Variants in RHBDD1 observed in about 807,000 individuals in gnomAD.
The protein encoded by RHBDD1 is rhomboid-related protein 4.
RHBDD1 carries 38 observed loss-of-function variants against 36.3 expected under a neutral mutation model. The ratio of observed to expected loss-of-function variants is 1.05; its 90% confidence interval spans 0.81 to 1.37. The LOEUF (loss-of-function observed/expected upper bound fraction) is 1.37. Ranked by LOEUF, RHBDD1 falls within the 40% of genes most tolerant of loss-of-function variation. RHBDD1 has a pLI of 0.00. For missense variants in RHBDD1, 393 were observed against 377.6 expected, an observed-to-expected ratio of 1.04 and a Z score of -0.34; for synonymous variants, 151 against 136.5, an observed-to-expected ratio of 1.11 and a Z score of -0.74.
At chr2:226,863,785 G>C (rs899704339) in intron 3 of RHBDD1, among the ~76,000 whole-genome samples, 1 of 152,216 alleles carries the variant, frequency 6.6e-6, no homozygotes. Flanking sequence ...GTTAGCCAAA[G>C]CATGTCACAG....
chr2:226,992,247 G>A (rs542652921), intron 8 of RHBDD1, among the ~76,000 whole-genome samples: 6 of 152,312 alleles, frequency 3.9e-5, no homozygotes, highest in Non-Finnish European at 5.9e-5. Flanking sequence ...TGGCTCCAAC[G>A]CAGAGCACAC....
Position 226,986,956 on chromosome 2 carries a change from A to G in RHBDD1, c.857-8475A>G, listed in dbSNP as rs184410659. The stretch of plus-strand genomic sequence containing the variant: ...TGCCCATCAGTGATCGACTGGATAA[A>G]GAAAATGTGGCACATGTACACCATG... On this transcript the variant is annotated intron_variant, in intron 8 of 8. Transcript: ENST00000392062. 9.8e-4 allele frequency among the ~76,000 whole-genome samples: 150 copies of G among 152,378 alleles called. 1 individual carries two copies. Among genetic ancestry groups the G allele is most frequent in the African/African-American group, 3.4e-3 (142 of 41,588 alleles).
intron 5 of RHBDD1, among the ~76,000 whole-genome samples, chr2:226,881,143 CCA>C (rs200727558): frequency 0.018 from 2,754 of 152,216 alleles, 41 homozygotes; most frequent in Middle Eastern, 0.027. Flanking sequence ...TATGAAACCA[CCA>C]GATCTCCTGA....
At chr2:226,946,216 C>G (rs770523214) in intron 8 of RHBDD1, among the ~76,000 whole-genome samples, 2 of 152,144 alleles carry the variant, frequency 1.3e-5, no homozygotes, top group Non-Finnish European at 2.9e-5. Flanking sequence ...GTCATGAAGT[C>G]TTTGCCCATG....
intron 5 of RHBDD1, among the ~76,000 whole-genome samples, chr2:226,883,839 C>A (rs1307238299): frequency 6.6e-6 from 1 of 152,120 alleles, no homozygotes; most frequent in African/African-American, 2.4e-5. Flanking sequence ...TTGAGGAGCT[C>A]TGTTAACTGT....
At chr2:226,961,339 T>C (rs1206169863) in intron 8 of RHBDD1, among the ~76,000 whole-genome samples, 2 of 152,166 alleles carry the variant, frequency 1.3e-5, no homozygotes, top group Non-Finnish European at 2.9e-5. Context: ...CTGGGTCTGT[T>C]TCCTTTTCTT....
intron 3 of RHBDD1, among the ~76,000 whole-genome samples, chr2:226,852,931 A>ATTATTG (rs1295895505): frequency 1.4e-5 from 2 of 146,896 alleles, no homozygotes; most frequent in Non-Finnish European, 3.0e-5. Flanking sequence ...TATTATTATT[A>ATTATTG]TTATTATTAT....
In RHBDD1 at chr2:226,866,093, C is replaced by T. The variant is rs147582206; in HGVS notation, c.433+967C>T. Among the ~76,000 whole-genome samples the T allele has an allele frequency of 9.0e-3, 743 of 82,652 alleles. 7 individuals are homozygous for T. The highest frequency in any genetic ancestry group is 0.035 in the African/African-American group (698 of 20,216). 54.2% of individuals were successfully genotyped at this position (82,652 alleles called of 152,430 possible). On this transcript the variant is annotated intron_variant, in intron 4 of 8. Coordinates refer to ENST00000392062, the MANE Select transcript of RHBDD1 (RefSeq NM_001167608.3). ...TATTATTTATTTATTTTTTTTGAGA[C>T]GGAGTCTCGCTCTGGCACCAGGCCT...
intron 8 of RHBDD1, among the ~76,000 whole-genome samples, chr2:226,949,158 C>T (rs1951236234): frequency 6.6e-6 from 1 of 152,188 alleles, no homozygotes; most frequent in South Asian, 2.1e-4. Context: ...ATTCCATGCT[C>T]ATGGATAGGA....
intron 8 of RHBDD1, among the ~76,000 whole-genome samples, chr2:226,927,477 C>T (rs899839343): frequency 2.6e-5 from 4 of 152,080 alleles, no homozygotes; most frequent in African/African-American, 7.2e-5. Flanking sequence ...GTTTTCATGT[C>T]ACCTAGGTAA....
At chr2:226,933,951 C>T (rs994474449) in intron 8 of RHBDD1, among the ~76,000 whole-genome samples, 1 of 152,056 alleles carries the variant, frequency 6.6e-6, no homozygotes, top group Non-Finnish European at 1.5e-5. Flanking sequence ...GGGTAAATCT[C>T]TCTTGGATTC....
At chr2:226,903,633 T>C (rs1947781192) in intron 5 of RHBDD1, among the ~76,000 whole-genome samples, 1 of 152,120 alleles carries the variant, frequency 6.6e-6, no homozygotes, top group Non-Finnish European at 1.5e-5. Flanking sequence ...TTTTATTATA[T>C]GAAGTAGTGA....
At chr2:226,875,877 C>T (rs1945195054) in intron 5 of RHBDD1, among the ~76,000 whole-genome samples, 1 of 152,194 alleles carries the variant, frequency 6.6e-6, no homozygotes, top group South Asian at 2.1e-4. Context: ...GACTTCAGCT[C>T]ATGTGGTGTT....
intron 8 of RHBDD1, among the ~76,000 whole-genome samples, chr2:226,981,102 TA>T (rs1955621896): frequency 6.6e-6 from 1 of 152,040 alleles, no homozygotes; most frequent in African/African-American, 2.4e-5. Flanking sequence ...TCACTCTGAG[TA>T]AACTATCACA....
chr2:226,810,190 C>A, the RHBDD1 span, among the ~76,000 whole-genome samples: 1 of 152,108 alleles, frequency 6.6e-6, no homozygotes, highest in South Asian at 2.1e-4. Context: ...AGTAGATTAT[C>A]ACATATTTTG....
At chr2:226,978,989 T>C (rs1955093800) in intron 8 of RHBDD1, among the ~76,000 whole-genome samples, 1 of 152,124 alleles carries the variant, frequency 6.6e-6, no homozygotes, top group African/African-American at 2.4e-5. Context: ...GATGTAGGTA[T>C]GTATAAAAAA....
At chr2:226,948,088 A>G (rs1205528692) in intron 8 of RHBDD1, among the ~76,000 whole-genome samples, 1 of 151,802 alleles carries the variant, frequency 6.6e-6, no homozygotes, top group Non-Finnish European at 1.5e-5. Flanking sequence ...AATGACTATA[A>G]ATCATGCTGC....
At chr2:226,816,840 G>C in the RHBDD1 span, among the ~76,000 whole-genome samples, 1 of 139,520 alleles carries the variant, frequency 7.2e-6, no homozygotes, top group Non-Finnish European at 1.6e-5. Context: ...AGGTTGCAGT[G>C]GGCCCAGATA....
chr2:226,847,878 C>T (rs1559188601), intron 3 of RHBDD1, among the ~76,000 whole-genome samples: 2 of 152,154 alleles, frequency 1.3e-5, no homozygotes, highest in African/African-American at 4.8e-5. Flanking sequence ...CCTTGCTTTG[C>T]AGGGTAGGGC....
Sources: gnomAD v4.1 joint callset for allele counts (sites outside exome capture counted in the v4.1 genomes callset) on GRCh38, gnomAD v4.1.1 for gene constraint, MANE v1.5 for transcripts, NCBI Gene and HGNC (gene_info 2026-07-23, HGNC 2026-07-21) for gene names.